MGAT4C: variants seen among roughly 807,000 people sequenced by gnomAD.
MGAT4C encodes the protein alpha-1,3-mannosyl-glycoprotein 4-beta-N-acetylglucosaminyltransferase C.
In MGAT4C, 19 loss-of-function variants were observed where a neutral mutation model predicts 40.1. The observed-to-expected ratio is 0.47, with a 90% CI of 0.33 to 0.70. The LOEUF (loss-of-function observed/expected upper bound fraction) is 0.70. Among genes scored for constraint, MGAT4C ranks in the 30% least tolerant of loss-of-function variants. The pLI is 0.02. For synonymous variants in MGAT4C, 181 were observed against 187.1 expected (o/e 0.97, Z 0.27); for missense variants, 491 against 563.2 (o/e 0.87, Z 1.30).
chr12:86,634,378 T>C (rs565679659), intron 2 of MGAT4C, among the ~76,000 whole-genome samples: 1 of 152,246 alleles, frequency 6.6e-6, no homozygotes, highest in African/African-American at 2.4e-5. Context: ...TGGAGTTGTT[T>C]TAAGGTGTGT....
chr12:86,521,200 T>C (rs1958789023), intron 2 of MGAT4C, among the ~76,000 whole-genome samples: 1 of 152,194 alleles, frequency 6.6e-6, no homozygotes, highest in Admixed American at 6.6e-5. Context: ...TTTATAGTTT[T>C]AGATTTTACA....
At chr12:86,145,952 A>C (rs1883457227) in intron 1 of MGAT4C, among the ~76,000 whole-genome samples, 1 of 152,138 alleles carries the variant, frequency 6.6e-6, no homozygotes, top group Non-Finnish European at 1.5e-5. Flanking sequence ...TTTATACAAA[A>C]AAATTAGCAG....
Position 85,980,339 on chromosome 12 carries a change from A to G in MGAT4C, c.387T>C (p.Tyr129=), listed in dbSNP as rs185118551. 4.4e-4 allele frequency: 714 copies of G among 1,613,822 alleles called. 3 individuals carry two copies. The East Asian group carries it at 0.013, about 29-fold the overall frequency. The change falls in exon 5 of 5, where the codon TAT becomes TAC. Residue 129 remains tyrosine (Y), a synonymous_variant. Coordinates refer to ENST00000611864, the MANE Select transcript of MGAT4C (RefSeq NM_001351288.2). The part of the protein sequence containing the change: ...TIKSIFEQSS[Y]EELKEISVVV... ...CCACTGAAATTTCCTTCAGCTCTTC[A>G]TAGCTGGATTGCTCAAAAATTGACT...
intron 2 of MGAT4C, among the ~76,000 whole-genome samples, chr12:86,690,753 T>C (rs1950158548): frequency 6.6e-6 from 1 of 152,212 alleles, no homozygotes; most frequent in South Asian, 2.1e-4. Flanking sequence ...TTTGGCCATC[T>C]TGCCCTGGAA....
At chr12:86,751,876 A>T (rs1310366335) in intron 1 of MGAT4C, among the ~76,000 whole-genome samples, 1 of 152,042 alleles carries the variant, frequency 6.6e-6, no homozygotes, top group African/African-American at 2.4e-5. Context: ...AGTATATTGC[A>T]AAATTAGGCT....
intron 2 of MGAT4C, among the ~76,000 whole-genome samples, chr12:86,588,459 C>A (rs915467292): frequency 1.3e-5 from 2 of 151,984 alleles, no homozygotes; most frequent in Non-Finnish European, 2.9e-5. Context: ...TAATGGGAGA[C>A]TTTAACACCC....
At chr12:86,073,287 A>C (rs926115808) in intron 1 of MGAT4C, among the ~76,000 whole-genome samples, 39 of 152,210 alleles carry the variant, frequency 2.6e-4, no homozygotes, top group African/African-American at 8.9e-4. Flanking sequence ...CTGTGAGTCC[A>C]TTAAATATAT....
chr12:86,102,386 A>G (rs1167318725), intron 1 of MGAT4C, among the ~76,000 whole-genome samples: 2 of 152,090 alleles, frequency 1.3e-5, no homozygotes, highest in Admixed American at 1.3e-4. Context: ...TATGTTATGT[A>G]AAGGCATATC....
At chr12:86,045,623 T>C (rs895104247) in intron 2 of MGAT4C, among the ~76,000 whole-genome samples, 6 of 152,244 alleles carry the variant, frequency 3.9e-5, no homozygotes, top group Admixed American at 3.3e-4. Context: ...CTTGATGTTA[T>C]TAAATTTTTA....
At chr12:86,615,648 C>A (rs1451401997) in intron 2 of MGAT4C, among the ~76,000 whole-genome samples, 3 of 151,966 alleles carry the variant, frequency 2.0e-5, no homozygotes, top group Non-Finnish European at 2.9e-5. Context: ...CATCATTGAC[C>A]AAAATGCATT....
rs145983133 is a variant in MGAT4C, at chr12:86,090,248, A to G, written c.-56-40525T>C. ...ACTAACATATATGATGGTACTAAAC[A>G]TATTTTTCATGCCATATTCATAAAG... On this transcript the variant is annotated intron_variant, in intron 1 of 4. Coordinates refer to ENST00000611864, the MANE Select transcript of MGAT4C (RefSeq NM_001351288.2). Among the ~76,000 whole-genome samples, 744 of 151,788 alleles carry G rather than the reference A, an allele frequency of 4.9e-3. 8 individuals carry two copies. Among genetic ancestry groups the G allele is most frequent in the African/African-American group, 0.017 (712 of 41,524 alleles).
At chr12:86,713,616 G>A (rs1447945038) in intron 2 of MGAT4C, among the ~76,000 whole-genome samples, 1 of 152,048 alleles carries the variant, frequency 6.6e-6, no homozygotes, top group Admixed American at 6.6e-5. Flanking sequence ...GAATAGTTAT[G>A]AATGCAAAAA....
rs1957915919 is a variant in MGAT4C at position 86,480,502 on chromosome 12, A to AAATACGTATG, written c.-228-45238_-228-45237insCATACGTATT. Among the ~76,000 whole-genome samples, 4 of 150,946 alleles carry AAATACGTATG rather than the reference A, an allele frequency of 2.6e-5. 1 individual carries two copies. The highest frequency in any genetic ancestry group is 9.7e-5 in the African/African-American group (4 of 41,292). On this transcript the variant is annotated intron_variant, in intron 2 of 7. Transcript: ENST00000548651. ...TGTATACATATATAGATATGTACAC[A>AAATACGTATG]TATACGTATGTATACATATATAGAT...
Position 86,675,329 on chromosome 12 carries a change from C to T in MGAT4C, c.-229+51880G>A, listed in dbSNP as rs369295108. On this transcript the variant is annotated intron_variant, in intron 2 of 7. Coordinates refer to the MGAT4C transcript ENST00000548651. ...GCCACTACAGGGAATTGACTCTTAT[C>T]GTGATGACTCCCAGCCTTCATCATG... 2.2e-4 allele frequency among the ~76,000 whole-genome samples: 34 copies of T among 152,284 alleles called. No individual in the cohort carries two copies. The East Asian group carries it at 4.6e-3, about 21-fold the overall frequency.
chr12:85,992,128 C>G (rs900928544), intron 2 of MGAT4C, among the ~76,000 whole-genome samples: 6 of 152,200 alleles, frequency 3.9e-5, no homozygotes, highest in Admixed American at 6.5e-5. Flanking sequence ...TCTTTGGAGT[C>G]TCTAACTTCC....
chr12:86,804,473 A>T lies in MGAT4C; in HGVS notation c.-262+34193T>A, dbSNP rs566424439. Among the ~76,000 whole-genome samples the T allele has an allele frequency of 2.9e-3, 445 of 151,292 alleles. 1 individual carries two copies. Among genetic ancestry groups the T allele is most frequent in the African/African-American group, 0.01 (427 of 41,242 alleles). On this transcript the variant is annotated intron_variant, in intron 1 of 7. Transcript: ENST00000548651. Reference sequence around the variant, plus strand: ...AGAAAGAAAGAAGAAAAAAATATATATTTTTCTTTTATGAATTAGCTACAT... The same window carrying T: ...AGAAAGAAAGAAGAAAAAAATATATTTTTTTCTTTTATGAATTAGCTACAT...
intron 2 of MGAT4C, among the ~76,000 whole-genome samples, chr12:86,525,839 C>T (rs75769039): frequency 0.026 from 3,887 of 152,266 alleles, 87 homozygotes; most frequent in Non-Finnish European, 0.042. Flanking sequence ...GACTGAGAGT[C>T]TCCTAGACTG....
At chr12:86,652,056 C>T (rs1963712207) in intron 2 of MGAT4C, among the ~76,000 whole-genome samples, 1 of 151,822 alleles carries the variant, frequency 6.6e-6, no homozygotes, top group African/African-American at 2.4e-5. Context: ...TTTAGATGGT[C>T]ATAACTTCAT....
intron 2 of MGAT4C, among the ~76,000 whole-genome samples, chr12:86,692,411 TG>T (rs1289822243): frequency 2.0e-5 from 3 of 152,104 alleles, no homozygotes; most frequent in Non-Finnish European, 4.4e-5. Flanking sequence ...ATGTGTAAGG[TG>T]TCTACTCAAA....
Sources: allele counts gnomAD v4.1 joint callset (sites outside exome capture counted in the v4.1 genomes callset), GRCh38; gene constraint gnomAD v4.1.1; transcripts MANE v1.5; gene names NCBI Gene and HGNC (gene_info 2026-07-23, HGNC 2026-07-21).